The following RCOR3 variants were observed in gnomAD, a reference collection of about 807,000 sequenced individuals.
RCOR3 encodes the protein REST corepressor 3.
Under a neutral mutation model 64.1 loss-of-function variants are expected in RCOR3, and 13 were observed. That is an observed-to-expected ratio of 0.20 (90% CI 0.13 to 0.32). The LOEUF is 0.32. RCOR3 is among the 10% of genes least tolerant of loss of function. The pLI is 1.00. For synonymous variants in RCOR3, 215 were observed against 239.0 expected, an observed-to-expected ratio of 0.90 and a Z score of 0.93; for missense variants, 489 against 701.2, an observed-to-expected ratio of 0.70 and a Z score of 3.42.
At position 211,312,964 on chromosome 1, in the gene RCOR3, G is replaced by A. The variant is rs1270036334; in HGVS notation, c.1317+3G>A. 1.2e-6 allele frequency: 2 copies of A among 1,614,124 alleles called. No individual in the cohort carries two copies. The highest frequency in any genetic ancestry group is 1.6e-4 in the Middle Eastern group (1 of 6,062). On this transcript the variant is annotated splice_donor_region_variant and intron_variant, in intron 11 of 11. Transcript: ENST00000419091. This position sits in a 1 kb window ranked among gnomAD's most constrained non-coding sequence, Gnocchi z 5.0. The stretch of plus-strand genomic sequence containing the variant: ...AGAGCACTGATGAAGAAGAGGAGGT[G>A]TGTTTGTGTATGGAATTTGAGCTAA...
At chr1:211,290,693 A>G (rs1411947859) in intron 8 of RCOR3, among the ~76,000 whole-genome samples, 1 of 151,958 alleles carries the variant, frequency 6.6e-6, no homozygotes, top group East Asian at 1.9e-4. Context: ...GATTCTTTCT[A>G]TTACTTCTCT....
rs183566660 is a variant in RCOR3 at position 211,274,461 on chromosome 1, A to G, written c.354+199A>G. Among the ~76,000 whole-genome samples, 7 of 152,218 alleles carry G rather than the reference A, an allele frequency of 4.6e-5. No individual in the cohort carries two copies. In the East Asian group the frequency reaches 1.3e-3, roughly 29 times the overall value. On this transcript the variant is annotated intron_variant, in intron 4 of 11. Transcript: ENST00000419091. Reference sequence around the variant, plus strand: ...AACATTATTCATCTCAAGGGCTTAAATGTTTTTCTTTCAATATATCTGTTT... The same window carrying G: ...AACATTATTCATCTCAAGGGCTTAAGTGTTTTTCTTTCAATATATCTGTTT...
intron 2 of RCOR3, among the ~76,000 whole-genome samples, chr1:211,270,939 C>T (rs538863819): frequency 2.8e-4 from 42 of 151,958 alleles, no homozygotes; most frequent in Non-Finnish European, 4.7e-4. Flanking sequence ...ACTGCAAGCT[C>T]CGCCTCCCGG....
chr1:211,261,197 C>A (rs542495246), intron 2 of RCOR3: 5 of 152,266 alleles, frequency 3.3e-5, no homozygotes, highest in African/African-American at 9.6e-5. Flanking sequence ...AAAGAGCTTA[C>A]TTGTATTTTC....
At chr1:211,277,986 G>C (rs1012090608) in intron 5 of RCOR3, 131 bp from the exon 6 acceptor site, 5 of 740,422 alleles carry the variant, frequency 6.8e-6, no homozygotes, top group Non-Finnish European at 1.1e-5. Context: ...GTACTTTTTA[G>C]CTCTATAATT....
intron 10 of RCOR3, among the ~76,000 whole-genome samples, chr1:211,308,595 C>T (rs573661678): frequency 6.8e-6 from 1 of 146,868 alleles, no homozygotes; most frequent in African/African-American, 2.5e-5. Context: ...CTGTGAAAGC[C>T]AGAAAAAAAA....
intron 8 of RCOR3, among the ~76,000 whole-genome samples, chr1:211,292,637 G>A (rs1486339670): frequency 6.6e-6 from 1 of 152,118 alleles, no homozygotes; most frequent in Non-Finnish European, 1.5e-5. Context: ...CATCTCATAT[G>A]CAGTGTTCAA....
chr1:211,276,402 A>G lies in RCOR3; in HGVS notation c.500A>G (p.His167Arg). The change falls in exon 5 of 12, where the codon CAC becomes CGC. Residue 167 changes from histidine (H) to arginine (R), a missense_variant. This residue lies in a region of RCOR3 where 402 missense variants were observed against 617.0 expected (regional missense o/e 0.65). Transcript: ENST00000419091. ...QAFSFHGKSF[H>R]RIQQMLPDKT... ...TTTAGTTTTCATGGAAAGAGCTTTC[A>G]CAGGATTCAGCAAATGGTATGGTAA... The G allele has an allele frequency of 6.2e-7, 1 of 1,613,238 alleles. No individual in the cohort carries two copies.
chr1:211,284,208 C>T (rs1379417195), intron 7 of RCOR3, among the ~76,000 whole-genome samples: 2 of 151,788 alleles, frequency 1.3e-5, no homozygotes, highest in Admixed American at 6.6e-5. Flanking sequence ...CGCCTGCCAC[C>T]ACGCCTGGCT....
chr1:211,287,964 C>CTT (rs985251080), intron 7 of RCOR3, among the ~76,000 whole-genome samples: 1 of 151,988 alleles, frequency 6.6e-6, no homozygotes, highest in Non-Finnish European at 1.5e-5. Flanking sequence ...AATCCTAGCA[C>CTT]TTTGAGAGCC....
rs564851860 is a variant in RCOR3, at chr1:211,311,174, A to T, written c.1076-1546A>T. On this transcript the variant is annotated intron_variant, in intron 10 of 11. Coordinates refer to ENST00000419091, the MANE Select transcript of RCOR3 (RefSeq NM_001136223.3). ...TGGAATCTAGTCACTATTAGAATTTATACTTAACTGTGAAGTTCAAACTGG... is the reference window on the plus strand; with the variant it reads ...TGGAATCTAGTCACTATTAGAATTTTTACTTAACTGTGAAGTTCAAACTGG... 2.0e-5 allele frequency among the ~76,000 whole-genome samples: 3 copies of T among 152,318 alleles called. No individual in the cohort carries two copies. The South Asian group carries it at 6.2e-4, about 32-fold the overall frequency.
chr1:211,315,209 T>C lies in RCOR3; in HGVS notation c.*1441T>C, dbSNP rs1269344505. 2 of 152,212 alleles carry C rather than the reference T, an allele frequency of 1.3e-5. No individual in the cohort carries two copies. The highest frequency in any genetic ancestry group is 4.8e-5 in the African/African-American group (2 of 41,468). The allele number at this position is 152,212 out of a possible 1,614,324, so 9.4% of individuals were successfully genotyped here. A position where few individuals can be genotyped will look rare whatever the true frequency, so the allele number is the denominator to read the frequency against. On this transcript the variant is annotated 3_prime_UTR_variant, in exon 12 of 12. Transcript: ENST00000419091. Reference sequence around the variant, plus strand: ...GGACATAGGCTACATGTTTGCACATTCACATTCTTATCACGTGTAGAATAC... The same window carrying C: ...GGACATAGGCTACATGTTTGCACATCCACATTCTTATCACGTGTAGAATAC...
intron 6 of RCOR3, 77 bp downstream of exon 6, chr1:211,278,318 G>C (rs1425793460): frequency 2.1e-6 from 3 of 1,452,686 alleles, no homozygotes; most frequent in Non-Finnish European, 2.9e-6. Flanking sequence ...AGGCAGAAAA[G>C]TTATCACAAC....
chr1:211,308,684 GTTTTTTTTTTTT>G (rs71585833), intron 10 of RCOR3, among the ~76,000 whole-genome samples: 7 of 42,040 alleles, frequency 1.7e-4, no homozygotes, highest in African/African-American at 4.7e-4. Flanking sequence ...TTTTTTTTTT[GTTTTTTTTTTTT>G]TTTGTGTAGT....
chr1:211,273,456 A>G (rs1280309738), intron 3 of RCOR3, among the ~76,000 whole-genome samples: 1 of 152,256 alleles, frequency 6.6e-6, no homozygotes, highest in Non-Finnish European at 1.5e-5. Context: ...AAGTTAATTT[A>G]TACATACATA....
intron 2 of RCOR3, among the ~76,000 whole-genome samples, chr1:211,262,120 C>T (rs1694429080): frequency 7.4e-6 from 1 of 136,046 alleles, no homozygotes; most frequent in African/African-American, 2.7e-5. Context: ...TCACTGCAAC[C>T]TCTGCCTCCC....
Position 211,313,264 on chromosome 1 carries a change from T to C in RCOR3, c.1318-160T>C. The C allele has an allele frequency of 7.0e-7, 1 of 1,432,704 alleles. No individual in the cohort carries two copies. The highest frequency in any genetic ancestry group is 9.1e-7 in the Non-Finnish European group (1 of 1,098,778). 88.7% of individuals were successfully genotyped at this position (1,432,704 alleles called of 1,614,324 possible). On this transcript the variant is annotated intron_variant, in intron 11 of 11. Coordinates refer to ENST00000419091, the MANE Select transcript of RCOR3 (RefSeq NM_001136223.3). The surrounding 1 kb of genome is among the most constrained non-coding windows in gnomAD (Gnocchi z 4.7). Reference sequence around the variant, plus strand: ...TGGTTTTTGGTTTTTGGTTTTGTTTTGTTTAAAATAAAAGAAGCTTGTGCT... The same window carrying C: ...TGGTTTTTGGTTTTTGGTTTTGTTTCGTTTAAAATAAAAGAAGCTTGTGCT...
intron 2 of RCOR3, among the ~76,000 whole-genome samples, chr1:211,270,478 ATAAAAT>A (rs1695988944): frequency 6.6e-6 from 1 of 152,194 alleles, no homozygotes; most frequent in Non-Finnish European, 1.5e-5. Flanking sequence ...TTAGCAAGAA[ATAAAAT>A]TAAATAAAAA....
intron 8 of RCOR3, among the ~76,000 whole-genome samples, chr1:211,294,499 T>A (rs532316788): frequency 2.0e-5 from 3 of 152,310 alleles, no homozygotes; most frequent in Admixed American, 2.0e-4. Context: ...TTTTTTAATG[T>A]TGTGTCCCAA....
Sources: allele counts gnomAD v4.1 joint callset (sites outside exome capture counted in the v4.1 genomes callset), GRCh38; gene constraint gnomAD v4.1.1; regional missense constraint gnomAD v4.1.1; non-coding constraint Gnocchi (gnomAD v3.1); transcripts MANE v1.5; gene names NCBI Gene and HGNC (gene_info 2026-07-23, HGNC 2026-07-21).